The following SAMD5 variants were observed in gnomAD, a reference collection of about 807,000 sequenced individuals.
SAMD5 encodes sterile alpha motif domain containing 5.
A neutral mutation model predicts 11.3 loss-of-function variants in SAMD5; 13 were observed. The ratio of observed to expected loss-of-function variants is 1.15; its 90% CI spans 0.75 to 1.83. The LOEUF (loss-of-function observed/expected upper bound fraction) is 1.83, where lower values mean the gene tolerates loss of function less well. Among genes scored for constraint, SAMD5 ranks in the 40% most tolerant of loss-of-function variants. SAMD5 has a pLI of 0.00. For missense variants in SAMD5, 255 were observed against 239.1 expected (o/e 1.07, Z -0.44); for synonymous variants, 129 against 111.3 (o/e 1.16, Z -1.00).
At chr6:147,921,220 T>G in the SAMD5 span, among the ~76,000 whole-genome samples, 71 of 149,062 alleles carry the variant, frequency 4.8e-4, no homozygotes, top group African/African-American at 1.7e-3. Context: ...TCTATAAAAT[T>G]CATTCAGTCA....
At chr6:147,613,032 C>T (rs1789808811) in intron 1 of SAMD5, among the ~76,000 whole-genome samples, 2 of 152,072 alleles carry the variant, frequency 1.3e-5, no homozygotes, top group African/African-American at 4.8e-5. Context: ...AACCCTGTCT[C>T]TATTAAAAAT....
the SAMD5 span, among the ~76,000 whole-genome samples, chr6:147,811,180 G>A: frequency 9.8e-5 from 15 of 152,286 alleles, no homozygotes; most frequent in Admixed American, 3.3e-4. Context: ...AGAGTGAGAG[G>A]TTTGTTTACT....
the SAMD5 span, among the ~76,000 whole-genome samples, chr6:147,884,076 G>A: frequency 6.7e-6 from 1 of 149,764 alleles, no homozygotes; most frequent in Non-Finnish European, 1.5e-5. Flanking sequence ...TTTTGTTTTT[G>A]TTTTTGTTTT....
intron 1 of SAMD5, among the ~76,000 whole-genome samples, chr6:147,668,916 C>T (rs1186712237): frequency 6.6e-6 from 1 of 152,132 alleles, no homozygotes; most frequent in Admixed American, 6.5e-5. Context: ...AAACAATGTA[C>T]ATAACTTAAT....
chr6:147,673,299 C>T (rs369490170), intron 1 of SAMD5, among the ~76,000 whole-genome samples: 37 of 152,118 alleles, frequency 2.4e-4, no homozygotes, highest in East Asian at 1.5e-3. Flanking sequence ...CTGCAAGCTC[C>T]GCCTCCTGGG....
intron 1 of SAMD5, among the ~76,000 whole-genome samples, chr6:147,647,954 T>G (rs1790429597): frequency 6.6e-6 from 1 of 152,228 alleles, no homozygotes; most frequent in African/African-American, 2.4e-5. Flanking sequence ...AGAGATTAAG[T>G]AAATTGATCA....
the SAMD5 span, among the ~76,000 whole-genome samples, chr6:147,817,292 A>G: frequency 4.6e-4 from 70 of 152,360 alleles, 1 homozygote; most frequent in South Asian, 7.0e-3. Flanking sequence ...AGCTGTGCAT[A>G]CAGTAGTATT....
chr6:147,625,213 A>C (rs1258845102), intron 1 of SAMD5, among the ~76,000 whole-genome samples: 1 of 152,216 alleles, frequency 6.6e-6, no homozygotes, highest in Non-Finnish European at 1.5e-5. Flanking sequence ...TAATGGAATC[A>C]GTCTGCTCAT....
the SAMD5 span, among the ~76,000 whole-genome samples, chr6:147,794,962 A>G: frequency 6.6e-6 from 1 of 152,038 alleles, no homozygotes; most frequent in Non-Finnish European, 1.5e-5. Flanking sequence ...AAGATAAGGG[A>G]TATAATCTAT....
At chr6:147,733,454 C>T (rs994051694) in intron 1 of SAMD5, among the ~76,000 whole-genome samples, 3 of 151,306 alleles carry the variant, frequency 2.0e-5, no homozygotes, top group East Asian at 3.9e-4. Flanking sequence ...TTGGAAATAA[C>T]GGCATTGAAA....
chr6:147,816,280 C>CAAAAAAAAAAAAAAA, the SAMD5 span, among the ~76,000 whole-genome samples: 5 of 12,728 alleles, frequency 3.9e-4, 1 homozygote, highest in African/African-American at 2.2e-3. Flanking sequence ...AACTCCGTCT[C>CAAAAAAAAAAAAAAA]CAAAAAAAAA....
the SAMD5 span, among the ~76,000 whole-genome samples, chr6:147,924,304 G>A: frequency 6.6e-6 from 1 of 152,128 alleles, no homozygotes; most frequent in Admixed American, 6.6e-5. Context: ...AATCTACAGT[G>A]TAAGAGAATC....
At chr6:147,680,140 G>T (rs1790920667) in intron 1 of SAMD5, among the ~76,000 whole-genome samples, 1 of 149,562 alleles carries the variant, frequency 6.7e-6, no homozygotes, top group South Asian at 2.1e-4. Flanking sequence ...AATTTGGAAA[G>T]AATTAATGAC....
the SAMD5 span, among the ~76,000 whole-genome samples, chr6:147,896,179 T>C: frequency 1.3e-5 from 2 of 152,246 alleles, no homozygotes; most frequent in African/African-American, 4.8e-5. Context: ...GTCACATTAG[T>C]GTCCTTGTCT....
intron 1 of SAMD5, among the ~76,000 whole-genome samples, chr6:147,647,199 C>T (rs1375437951): frequency 2.6e-5 from 4 of 152,060 alleles, no homozygotes; most frequent in South Asian, 4.2e-4. Context: ...ATAGAAAATA[C>T]ATTTATTACT....
downstream of SAMD5, among the ~76,000 whole-genome samples, chr6:147,740,008 C>G (rs1326481013): frequency 1.3e-5 from 2 of 151,740 alleles, no homozygotes; most frequent in African/African-American, 4.8e-5. Context: ...TTAGTAGAGA[C>G]AGAGTTTCAC....
At chr6:147,868,136 A>G in the SAMD5 span, among the ~76,000 whole-genome samples, 1 of 152,206 alleles carries the variant, frequency 6.6e-6, no homozygotes, top group African/African-American at 2.4e-5. Context: ...CTTTACAACT[A>G]TTCAAAGCTG....
the SAMD5 span, among the ~76,000 whole-genome samples, chr6:147,876,941 TAG>T: frequency 0.17 from 26,155 of 152,046 alleles, 3,435 homozygotes; most frequent in African/African-American, 0.36. Context: ...TTGTTTAAAA[TAG>T]AGTTTTGGCA....
chr6:147,726,533 C>CCCAGGCCCAGGT (rs1791629842), intron 1 of SAMD5, among the ~76,000 whole-genome samples: 1 of 152,130 alleles, frequency 6.6e-6, no homozygotes, highest in African/African-American at 2.4e-5. Flanking sequence ...CAGGCCCAGG[C>CCCAGGCCCAGGT]CCAGGTCCAG....
Sources: gnomAD v4.1 joint callset for allele counts (sites outside exome capture counted in the v4.1 genomes callset) on GRCh38, gnomAD v4.1.1 for gene constraint, MANE v1.5 for transcripts, NCBI Gene and HGNC (gene_info 2026-07-23, HGNC 2026-07-21) for gene names.